TTC7B: variants seen among roughly 807,000 people sequenced by gnomAD.
TTC7B encodes the protein tetratricopeptide repeat protein 7B.
TTC7B carries 28 observed loss-of-function variants against 106.8 expected under a neutral mutation model. The observed-to-expected ratio is 0.26, with a 90% CI of 0.19 to 0.36. The LOEUF (loss-of-function observed/expected upper bound fraction) is 0.36, where lower values mean the gene tolerates loss of function less well. Ranked by LOEUF, TTC7B falls within the 10% of genes least tolerant of loss-of-function variation. The pLI, the probability that TTC7B is intolerant of heterozygous loss-of-function variation, is 1.00. For missense variants in TTC7B, 862 were observed against 1,076.4 expected (o/e 0.80, Z 2.79); for synonymous variants, 405 against 430.6 (o/e 0.94, Z 0.74).
At chr14:90,761,301 C>T (rs1422119775) in intron 3 of TTC7B, among the ~76,000 whole-genome samples, 2 of 152,250 alleles carry the variant, frequency 1.3e-5, no homozygotes, top group Admixed American at 6.5e-5. Context: ...GATAACATCA[C>T]TACTGTAGAA....
chr14:90,687,016 G>C (rs1887275311), intron 7 of TTC7B, among the ~76,000 whole-genome samples: 1 of 149,744 alleles, frequency 6.7e-6, no homozygotes, highest in Non-Finnish European at 1.5e-5. Flanking sequence ...TTCAAAAATG[G>C]ACAAGCTAAA....
chr14:90,565,210 C>T (rs1466024561), intron 19 of TTC7B, among the ~76,000 whole-genome samples: 87 of 152,192 alleles, frequency 5.7e-4, no homozygotes, highest in Non-Finnish European at 4.4e-5. Flanking sequence ...ACCACTCAAA[C>T]TTTCTCCCTA....
At position 90,577,466 on chromosome 14, in the gene TTC7B, AG is replaced by A. The variant is rs963261734; in HGVS notation, c.2310+639del. 1.2e-4 allele frequency among the ~76,000 whole-genome samples: 18 copies of A among 152,338 alleles called. No individual in the cohort carries two copies. The highest frequency in any genetic ancestry group is 3.6e-4 in the African/African-American group (15 of 41,582). On this transcript the variant is annotated intron_variant, in intron 19 of 19. Coordinates refer to ENST00000328459, the MANE Select transcript of TTC7B (RefSeq NM_001010854.2). This position sits in a 1 kb window ranked among gnomAD's most constrained non-coding sequence, Gnocchi z 5.0. ...ATCCATGGCAAGGGGTGGGAGCAGC[AG>A]GGCAACCCCAGGCTTTTGGCCCAGG...
In TTC7B at chr14:90,689,811, A is replaced by G. The variant is rs374084942; in HGVS notation, c.778-99T>C. On this transcript the variant is annotated intron_variant, in intron 6 of 19. Transcript: ENST00000328459. ...ATATTTATATCATCACATTGTGCTA[A>G]GCACTACTGCAAGGCTCATAATTAA... is the stretch of plus-strand genomic sequence containing the variant. 3.8e-5 allele frequency: 51 copies of G among 1,327,908 alleles called. No individual in the cohort carries two copies. The African/African-American group carries it at 6.6e-4, about 17-fold the overall frequency. The allele number at this position is 1,327,908 out of a possible 1,614,324, so 82.3% of individuals were successfully genotyped here.
chr14:90,793,789 G>A (rs1010907474), intron 1 of TTC7B, among the ~76,000 whole-genome samples: 2 of 151,012 alleles, frequency 1.3e-5, no homozygotes, highest in Non-Finnish European at 3.0e-5. Flanking sequence ...TGTATTTTTA[G>A]TAGAGACAGG....
Position 90,757,921 on chromosome 14 carries a change from T to C in TTC7B, c.446-12999A>G, listed in dbSNP as rs1184641120. 6.6e-6 allele frequency among the ~76,000 whole-genome samples: 1 copy of C among 152,172 alleles called. No individual in the cohort carries two copies. Among genetic ancestry groups the C allele is most frequent in the Non-Finnish European group, 1.5e-5 (1 of 68,028 alleles). On this transcript the variant is annotated intron_variant, in intron 3 of 19. Coordinates refer to ENST00000328459, the MANE Select transcript of TTC7B (RefSeq NM_001010854.2). The surrounding 1 kb of genome is among the most constrained non-coding windows in gnomAD (Gnocchi z 4.1). ...GAAACGCACCTTTACATCCTTTCTC[T>C]TTGTAAATACCCACGCATTGAATGT...
chr14:90,686,974 A>G (rs979866856), intron 7 of TTC7B, among the ~76,000 whole-genome samples: 1 of 151,678 alleles, frequency 6.6e-6, no homozygotes, highest in Non-Finnish European at 1.5e-5. Flanking sequence ...TGCAATTCCT[A>G]TTAAAATCCC....
At chr14:90,750,188 CG>C (rs1379197931) in intron 3 of TTC7B, among the ~76,000 whole-genome samples, 2 of 152,132 alleles carry the variant, frequency 1.3e-5, no homozygotes, top group Non-Finnish European at 2.9e-5. Flanking sequence ...TGCTCACTTG[CG>C]CAAAATTAAA....
At chr14:90,798,819 C>T (rs911439196) in intron 1 of TTC7B, among the ~76,000 whole-genome samples, 5 of 151,682 alleles carry the variant, frequency 3.3e-5, no homozygotes, top group African/African-American at 1.2e-4. Flanking sequence ...AGTGGCTGTT[C>T]CTATGGAAGG....
chr14:90,736,275 G>GT (rs1555394668), intron 4 of TTC7B, among the ~76,000 whole-genome samples: 1 of 151,650 alleles, frequency 6.6e-6, no homozygotes, highest in South Asian at 2.1e-4. Flanking sequence ...TTTGTTTTCT[G>GT]TTTTTTTAAA....
intron 11 of TTC7B, among the ~76,000 whole-genome samples, 176 bp downstream of exon 11, chr14:90,656,998 G>A (rs1885973844): frequency 6.6e-6 from 1 of 152,196 alleles, no homozygotes; most frequent in South Asian, 2.1e-4. Flanking sequence ...TTGGGGGAGT[G>A]GATGAGGCCT....
At chr14:90,792,927 G>A (rs1426263109) in intron 1 of TTC7B, among the ~76,000 whole-genome samples, 2 of 152,100 alleles carry the variant, frequency 1.3e-5, no homozygotes, top group African/African-American at 4.8e-5. Flanking sequence ...ATGAAGTGCT[G>A]GGAGAGTGAT....
At chr14:90,576,707 T>C (rs974996643) in intron 19 of TTC7B, among the ~76,000 whole-genome samples, 1 of 152,008 alleles carries the variant, frequency 6.6e-6, no homozygotes, top group Non-Finnish European at 1.5e-5. Context: ...CAGATGTAAC[T>C]TGTAAGCAGA....
intron 1 of TTC7B, among the ~76,000 whole-genome samples, chr14:90,796,457 C>A (rs376703672): frequency 1.2e-4 from 18 of 152,292 alleles, no homozygotes; most frequent in African/African-American, 4.3e-4. Context: ...GTCCCCTGAG[C>A]CCTGTGGCTG....
At chr14:90,725,049 G>A (rs1018534847) in intron 5 of TTC7B, among the ~76,000 whole-genome samples, 1 of 152,160 alleles carries the variant, frequency 6.6e-6, no homozygotes, top group Non-Finnish European at 1.5e-5. Flanking sequence ...ATCTCTTGAA[G>A]AGGGTTGCAT....
At position 90,714,446 on chromosome 14, in the gene TTC7B, C is replaced by T. The variant is rs555068968; in HGVS notation, c.698+15629G>A. ...AAACTGAATTGTGAAGATGATTGCA[C>T]AGCTGTATAAATTTTTTTTTTTTTT... On this transcript the variant is annotated intron_variant, in intron 5 of 19. Coordinates refer to ENST00000328459, the MANE Select transcript of TTC7B (RefSeq NM_001010854.2). Among the ~76,000 whole-genome samples, 443 of 143,992 alleles carry T rather than the reference C, an allele frequency of 3.1e-3. 1 individual carries two copies. Among genetic ancestry groups the T allele is most frequent in the Middle Eastern group, 0.014 (4 of 286 alleles). The allele number at this position is 143,992 out of a possible 152,430, so 94.5% of individuals were successfully genotyped here.
At chr14:90,763,834 T>C (rs1278018263) in intron 3 of TTC7B, among the ~76,000 whole-genome samples, 3 of 152,160 alleles carry the variant, frequency 2.0e-5, no homozygotes, top group African/African-American at 4.8e-5. Context: ...CAAAACATTT[T>C]TGAAAGAAAT....
At chr14:90,710,554 T>C (rs978974734) in intron 5 of TTC7B, among the ~76,000 whole-genome samples, 3 of 152,176 alleles carry the variant, frequency 2.0e-5, no homozygotes, top group African/African-American at 7.2e-5. Context: ...TACAGAGAAA[T>C]CTTTTATGAA....
At chr14:90,656,749 T>TG (rs1486446093) in intron 11 of TTC7B, among the ~76,000 whole-genome samples, 1 of 152,134 alleles carries the variant, frequency 6.6e-6, no homozygotes, top group African/African-American at 2.4e-5. Context: ...GCTCTGATCG[T>TG]GCACTCCAGC....
Sources: gnomAD v4.1 joint callset for allele counts (sites outside exome capture counted in the v4.1 genomes callset) on GRCh38, gnomAD v4.1.1 for gene constraint, Gnocchi (gnomAD v3.1) non-coding constraint, MANE v1.5 for transcripts, NCBI Gene and HGNC (gene_info 2026-07-23, HGNC 2026-07-21) for gene names.